UBLCP1: variants seen among roughly 807,000 people sequenced by gnomAD.
UBLCP1 encodes ubiquitin like domain containing CTD phosphatase 1, also known as ubiquitin-like domain-containing CTD phosphatase 1.
In UBLCP1, 28 loss-of-function variants were observed where a neutral mutation model predicts 42.4. That is an observed-to-expected ratio of 0.66 (90% CI 0.49 to 0.90). The LOEUF (loss-of-function observed/expected upper bound fraction) is 0.90, where lower values mean the gene tolerates loss of function less well. Among genes scored for constraint, UBLCP1 ranks in the 40% least tolerant of loss-of-function variants. UBLCP1 has a pLI of 0.00. For synonymous variants in UBLCP1, 122 were observed against 120.8 expected, an observed-to-expected ratio of 1.01 and a Z score of -0.07; for missense variants, 279 against 374.5, an observed-to-expected ratio of 0.75 and a Z score of 2.10.
At chr5:159,279,435 A>G (rs968339699) in intron 9 of UBLCP1, among the ~76,000 whole-genome samples, 1 of 152,234 alleles carries the variant, frequency 6.6e-6, no homozygotes, top group African/African-American at 2.4e-5. Flanking sequence ...CTATGGCACT[A>G]TTGCACATGG....
intron 8 of UBLCP1, among the ~76,000 whole-genome samples, chr5:159,276,251 G>C (rs757337744): frequency 2.0e-5 from 3 of 152,144 alleles, no homozygotes; most frequent in Admixed American, 2.0e-4. Flanking sequence ...TTGAGCCACT[G>C]CACTCCAGCC....
intron 5 of UBLCP1, 93 bp from the exon 6 acceptor site, chr5:159,271,930 C>A: frequency 1.2e-6 from 1 of 830,142 alleles, no homozygotes; most frequent in South Asian, 1.9e-5. Context: ...TTTATGTTTG[C>A]ATTTCGTAAT....
At chr5:159,267,360 C>G (rs564279586) in intron 1 of UBLCP1, among the ~76,000 whole-genome samples, 1 of 152,274 alleles carries the variant, frequency 6.6e-6, no homozygotes, top group East Asian at 1.9e-4. Flanking sequence ...GCCAATTTCT[C>G]CCATTTGGAA....
At chr5:159,274,489 A>G (rs558099720) in intron 6 of UBLCP1, 96 bp from the exon 7 acceptor site, 449 of 1,016,542 alleles carry the variant, frequency 4.4e-4, no homozygotes, top group Non-Finnish European at 5.9e-4. Flanking sequence ...ATGCATTTAA[A>G]CTTTTAGTTT....
chr5:159,264,183 A>G (rs1210756338), intron 1 of UBLCP1, among the ~76,000 whole-genome samples: 3 of 152,218 alleles, frequency 2.0e-5, no homozygotes, highest in Non-Finnish European at 4.4e-5. Context: ...AAGTCAACAC[A>G]GTATGTTAGG....
chr5:159,267,709 G>T (rs901624134), intron 1 of UBLCP1, among the ~76,000 whole-genome samples: 1 of 152,174 alleles, frequency 6.6e-6, no homozygotes, highest in Non-Finnish European at 1.5e-5. Flanking sequence ...ATCTTGGGGG[G>T]TGGTCTTTCC....
chr5:159,275,239 TA>T lies in UBLCP1; in HGVS notation c.679del (p.Ile227Ter). ...MITVHTPRRGLIDVKPLGVIW... is the reference protein window; with the variant it reads ...MITVHTPRRGXIDVKPLGVIW... ...ACAGTACATACTCCAAGGAGAGGATTAATAGACGTAAGAAGTCATTTTATTT... is the reference window on the plus strand; with the variant it reads ...ACAGTACATACTCCAAGGAGAGGATTATAGACGTAAGAAGTCATTTTATTT... On this transcript the variant is annotated frameshift_variant, in exon 8 of 11. Coordinates refer to ENST00000296786, the MANE Select transcript of UBLCP1 (RefSeq NM_145049.5). LOFTEE classifies it high-confidence loss of function. 1 of 1,610,188 alleles carries T rather than the reference TA, an allele frequency of 6.2e-7. No homozygotes were observed. Among genetic ancestry groups the T allele is most frequent in the Non-Finnish European group, 8.5e-7 (1 of 1,177,988 alleles).
At chr5:159,279,355 T>A (rs1423108636) in intron 9 of UBLCP1, among the ~76,000 whole-genome samples, 1 of 152,228 alleles carries the variant, frequency 6.6e-6, no homozygotes. Flanking sequence ...AATTTGAAAT[T>A]TAAAAGTTTC....
At chr5:159,272,150 C>G in intron 6 of UBLCP1, 29 bp downstream of exon 6, 1 of 1,551,258 alleles carries the variant, frequency 6.4e-7, no homozygotes, top group Non-Finnish European at 8.9e-7. Context: ...TTTAGATTTC[C>G]GTGGAAATAG....
chr5:159,277,561 ATCAGTGTTATTT>A (rs1453181259), intron 8 of UBLCP1, among the ~76,000 whole-genome samples: 1 of 152,202 alleles, frequency 6.6e-6, no homozygotes, highest in Non-Finnish European at 1.5e-5. Flanking sequence ...CCTAGCCACA[ATCAGTGTTATTT>A]CCTGTGTGGT....
intron 1 of UBLCP1, among the ~76,000 whole-genome samples, chr5:159,264,936 C>T (rs1217152601): frequency 1.3e-5 from 2 of 152,200 alleles, no homozygotes; most frequent in African/African-American, 4.8e-5. Flanking sequence ...CTTTCTAGCT[C>T]TCGTAGGATT....
At chr5:159,264,961 T>C (rs543167486) in intron 1 of UBLCP1, among the ~76,000 whole-genome samples, 10 of 152,372 alleles carry the variant, frequency 6.6e-5, no homozygotes, top group African/African-American at 1.7e-4. Context: ...TTTATTCTTA[T>C]GTCTTACAGA....
Position 159,283,259 on chromosome 5 carries a change from A to T in UBLCP1, c.849A>T (p.Glu283Asp), listed in dbSNP as rs1209927750. 1 of 1,607,238 alleles carries T rather than the reference A, an allele frequency of 6.2e-7. No homozygotes were observed. The change falls in exon 10 of 11, where the codon GAA becomes GAT. Residue 283 changes from glutamate to aspartate, a missense_variant. Transcript: ENST00000296786. Reference protein sequence around the residue: ...KAHLNRDKDKELLKLTQYLKE... With the variant: ...KAHLNRDKDKDLLKLTQYLKE... ...ACCTAAATCGTGATAAAGACAAAGA[A>T]CTTTTAAAATTAACTCAGTACCTCA... is the stretch of plus-strand genomic sequence containing the variant.
At chr5:159,265,151 G>C (rs568288352) in intron 1 of UBLCP1, among the ~76,000 whole-genome samples, 17 of 152,230 alleles carry the variant, frequency 1.1e-4, no homozygotes, top group Non-Finnish European at 2.1e-4. Flanking sequence ...GTTCATATTT[G>C]TATTCATATA....
chr5:159,271,829 A>G lies in UBLCP1; in HGVS notation c.449-194A>G, dbSNP rs182435761. ...CAAATTGAACAAAATTGATCGACTA[A>G]AATTGGATCTTAAGGATTTTAAATT... On this transcript the variant is annotated intron_variant, in intron 5 of 10. Coordinates refer to ENST00000296786, the MANE Select transcript of UBLCP1 (RefSeq NM_145049.5). Among the ~76,000 whole-genome samples, 618 of 152,368 alleles carry G rather than the reference A, an allele frequency of 4.1e-3. 1 individual carries two copies. The highest frequency in any genetic ancestry group is 0.014 in the African/African-American group (595 of 41,582).
chr5:159,284,553 G>A lies in UBLCP1; in HGVS notation c.930-351G>A, dbSNP rs139445726. Reference sequence around the variant, plus strand: ...TAATATAGTGACTTTCACATTGGAAGTAAGGCAGTATGGAGTGGTAGTCAA... The same window carrying A: ...TAATATAGTGACTTTCACATTGGAAATAAGGCAGTATGGAGTGGTAGTCAA... On this transcript the variant is annotated intron_variant, in intron 10 of 10. Transcript: ENST00000296786. Among the ~76,000 whole-genome samples, 9 of 152,292 alleles carry A rather than the reference G, an allele frequency of 5.9e-5. No homozygotes were observed. In the East Asian group the frequency reaches 1.5e-3, roughly 26 times the overall value.
chr5:159,266,105 A>C (rs898652485), intron 1 of UBLCP1, among the ~76,000 whole-genome samples: 22 of 152,212 alleles, frequency 1.4e-4, no homozygotes, highest in Non-Finnish European at 2.6e-4. Flanking sequence ...TAACAGGCAG[A>C]GGTTGGAACA....
rs765423764 is a variant in UBLCP1 at position 159,272,066 on chromosome 5, A to T, written c.492A>T (p.Pro164=). 2.2e-5 allele frequency: 36 copies of T among 1,613,412 alleles called. No homozygotes were observed. In the Admixed American group the frequency reaches 6.0e-4, roughly 27 times the overall value. The stretch of plus-strand genomic sequence containing the variant: ...AGACTGGGGTAGAATTAATGCGGCC[A>T]TATCTTCATGAATTTCTAACATCTG... The part of the protein sequence containing the change: ...CAETGVELMR[P]YLHEFLTSAY... Residue 164 remains proline, a synonymous_variant, in exon 6 of 11, where the codon CCA becomes CCT. Transcript: ENST00000296786.
chr5:159,271,013 G>A (rs1310173044), intron 5 of UBLCP1, among the ~76,000 whole-genome samples: 1 of 151,292 alleles, frequency 6.6e-6, no homozygotes, highest in South Asian at 2.1e-4. Flanking sequence ...TTTTTGGCCA[G>A]AAAGTATTCT....
Sources: allele counts gnomAD v4.1 joint callset (sites outside exome capture counted in the v4.1 genomes callset), GRCh38; gene constraint gnomAD v4.1.1; transcripts MANE v1.5; gene names NCBI Gene and HGNC (gene_info 2026-07-23, HGNC 2026-07-21).